The following FAAH2 variants were observed in gnomAD, a reference collection of about 807,000 sequenced individuals.
The protein encoded by FAAH2 is fatty acid amide hydrolase 2, also known as fatty-acid amide hydrolase 2.
A neutral mutation model predicts 36.9 loss-of-function variants in FAAH2; 60 were observed. The observed-to-expected ratio is 1.63, with a 90% CI of 1.32 to 2.02. The LOEUF (loss-of-function observed/expected upper bound fraction) is 2.02, where lower values mean the gene tolerates loss of function less well. Ranked by LOEUF, FAAH2 falls within the 30% of genes most tolerant of loss-of-function variation. FAAH2 has a pLI of 0.00. For synonymous variants in FAAH2, 214 were observed against 143.8 expected, an observed-to-expected ratio of 1.49 and a Z score of -3.49; for missense variants, 689 against 397.5, an observed-to-expected ratio of 1.73 and a Z score of -6.23.
the FAAH2 span, among the ~76,000 whole-genome samples, chrX:57,215,771 C>T: frequency 2.8e-5 from 3 of 109,067 alleles, no homozygotes; most frequent in African/African-American, 1.0e-4. Flanking sequence ...ACAATAAGAA[C>T]ACATGGACAC....
chrX:57,411,689 G>A (rs1432575397), intron 7 of FAAH2, among the ~76,000 whole-genome samples: 6 of 111,439 alleles, frequency 5.4e-5, no homozygotes, highest in Non-Finnish European at 9.4e-5. Context: ...CTGCATGGCC[G>A]GGGAAGCTGT....
intron 5 of FAAH2, among the ~76,000 whole-genome samples, chrX:57,350,345 T>C (rs2053967201): frequency 9.2e-6 from 1 of 109,116 alleles, no homozygotes. Flanking sequence ...CACACAAAAA[T>C]AGAACTCACT....
At chrX:57,353,929 AT>A (rs956698115) in intron 5 of FAAH2, among the ~76,000 whole-genome samples, 1 of 111,333 alleles carries the variant, frequency 9.0e-6, no homozygotes, top group Non-Finnish European at 1.9e-5. Flanking sequence ...AATGGGCATT[AT>A]TACAAATACA....
intron 5 of FAAH2, among the ~76,000 whole-genome samples, chrX:57,354,937 T>G (rs1349870774): frequency 2.7e-5 from 3 of 110,996 alleles, no homozygotes. Context: ...GCAAAAGGAC[T>G]GAACAGAGTG....
chrX:57,338,612 C>T (rs181963943), intron 4 of FAAH2, among the ~76,000 whole-genome samples: 74 of 111,444 alleles, frequency 6.6e-4, no homozygotes, highest in Non-Finnish European at 1.3e-3. Flanking sequence ...TTTCTATTCA[C>T]CAACAACAGG....
At chrX:57,318,347 C>G (rs1475012519) in intron 3 of FAAH2, among the ~76,000 whole-genome samples, 1 of 111,660 alleles carries the variant, frequency 9.0e-6, no homozygotes, top group Non-Finnish European at 1.9e-5. Flanking sequence ...ACTACTGATC[C>G]CACAGAAATA....
At chrX:57,473,276 T>C (rs1045350175) in intron 10 of FAAH2, among the ~76,000 whole-genome samples, 1 of 111,797 alleles carries the variant, frequency 8.9e-6, no homozygotes, top group Non-Finnish European at 1.9e-5. Context: ...CTTAATTTCA[T>C]TGTTCACCCA....
chrX:57,182,576 G>C, the FAAH2 span, among the ~76,000 whole-genome samples: 1 of 111,318 alleles, frequency 9.0e-6, no homozygotes, highest in African/African-American at 3.3e-5. Flanking sequence ...GGAGAAAAAG[G>C]AATGATTTCC....
chrX:57,136,232 G>T, the FAAH2 span: 1 of 1,207,947 alleles, frequency 8.3e-7, no homozygotes, highest in Non-Finnish European at 1.1e-6. Flanking sequence ...TTGCAAGGTT[G>T]GCATCACTAA....
chrX:57,253,886 T>C, the FAAH2 span, among the ~76,000 whole-genome samples: 1 of 111,836 alleles, frequency 8.9e-6, no homozygotes, highest in Non-Finnish European at 1.9e-5. Flanking sequence ...AATAACGAGC[T>C]AACATCATAA....
upstream of FAAH2, among the ~76,000 whole-genome samples, chrX:57,285,153 T>C (rs17002842): frequency 4.8e-3 from 541 of 112,275 alleles, 3 homozygotes; most frequent in African/African-American, 0.017. Context: ...CTGCTAGATG[T>C]GCCTGTCATG....
intron 3 of FAAH2, among the ~76,000 whole-genome samples, chrX:57,321,467 TATA>T (rs1313145872): frequency 1.8e-5 from 2 of 109,950 alleles, no homozygotes; most frequent in Admixed American, 9.7e-5. Context: ...TAACTTATAG[TATA>T]ATAATAATTA....
At chrX:57,461,160 T>C (rs1048494992) in intron 10 of FAAH2, among the ~76,000 whole-genome samples, 4 of 107,268 alleles carry the variant, frequency 3.7e-5, no homozygotes, top group Non-Finnish European at 7.8e-5. Context: ...AAAAAAAAGT[T>C]CTCAGAGTTC....
At chrX:57,459,975 C>T (rs1426635590) in intron 10 of FAAH2, among the ~76,000 whole-genome samples, 2 of 111,321 alleles carry the variant, frequency 1.8e-5, no homozygotes, top group African/African-American at 6.5e-5. Context: ...AGCAAGGGCA[C>T]AAAAATGCAT....
the FAAH2 span, among the ~76,000 whole-genome samples, chrX:57,159,201 C>T: frequency 9.0e-6 from 1 of 111,486 alleles, no homozygotes; most frequent in Non-Finnish European, 1.9e-5. Flanking sequence ...TTGTCTATAT[C>T]TCTGTTTTGG....
chrX:57,477,901 G>C (rs1006007446), intron 10 of FAAH2, among the ~76,000 whole-genome samples: 2 of 111,788 alleles, frequency 1.8e-5, no homozygotes, highest in African/African-American at 6.5e-5. Flanking sequence ...TTGGACATTT[G>C]GGTTGGTTCC....
chrX:57,296,116 G>T (rs1452025743), intron 2 of FAAH2, among the ~76,000 whole-genome samples: 1 of 112,187 alleles, frequency 8.9e-6, no homozygotes, highest in Non-Finnish European at 1.9e-5. Flanking sequence ...GGTTCTCCCA[G>T]CACGCAGCTT....
chrX:57,429,179 C>CA (rs1213030938), intron 7 of FAAH2, among the ~76,000 whole-genome samples: 168 of 105,029 alleles, frequency 1.6e-3, no homozygotes, highest in South Asian at 0.011. Context: ...ACTAAAAATA[C>CA]AAAAAAAAAA....
intron 9 of FAAH2, among the ~76,000 whole-genome samples, chrX:57,447,431 G>A (rs2056698137): frequency 1.8e-5 from 2 of 111,937 alleles, no homozygotes; most frequent in Admixed American, 1.9e-4. Context: ...TGGGGACTCT[G>A]TGTGGGAGCT....
Sources: gnomAD v4.1 joint callset for allele counts (sites outside exome capture counted in the v4.1 genomes callset) on GRCh38, gnomAD v4.1.1 for gene constraint, MANE v1.5 for transcripts, NCBI Gene and HGNC (gene_info 2026-07-23, HGNC 2026-07-21) for gene names.